Variants in PKD1L1 observed in about 807,000 individuals in gnomAD.
PKD1L1 encodes polycystin-1-like protein 1.
A neutral mutation model predicts 323.4 loss-of-function variants in PKD1L1; 236 were observed. The observed-to-expected ratio is 0.73, with a 90% CI of 0.66 to 0.81. PKD1L1 has a LOEUF of 0.81. PKD1L1 is among the 40% of genes least tolerant of loss of function. PKD1L1 has a pLI of 0.00. For synonymous variants in PKD1L1, 1,344 were observed against 1,335.0 expected (o/e 1.01, Z -0.15); for missense variants, 3,320 against 3,508.0 (o/e 0.95, Z 1.35).
chr7:47,857,979 G>T, intron 27 of PKD1L1, 147 bp from the exon 28 acceptor site: 1 of 681,746 alleles, frequency 1.5e-6, no homozygotes, highest in Non-Finnish European at 2.5e-6. Flanking sequence ...AGGTCTTAGG[G>T]CTCAGCGCTG....
At chr7:47,877,725 T>C (rs1232697955) in intron 21 of PKD1L1, 94 bp from the exon 22 acceptor site, 1 of 1,430,136 alleles carries the variant, frequency 7.0e-7, no homozygotes, top group African/African-American at 1.4e-5. Context: ...TAGCAGGGGT[T>C]CTCAAAGTAG....
In PKD1L1 at chr7:47,775,035, C is replaced by T. The variant is rs555253354; in HGVS notation, c.*108G>A. 17 of 1,191,006 alleles carry T rather than the reference C, an allele frequency of 1.4e-5. No homozygotes were observed. Among genetic ancestry groups the T allele is most frequent in the Middle Eastern group, 2.0e-4 (1 of 5,100 alleles). 73.8% of individuals were successfully genotyped at this position (1,191,006 alleles called of 1,614,324 possible). A position where few individuals can be genotyped will look rare whatever the true frequency, so the allele number is the denominator to read the frequency against. On this transcript the variant is annotated 3_prime_UTR_variant, in exon 57 of 57. Coordinates refer to ENST00000289672, the MANE Select transcript of PKD1L1 (RefSeq NM_138295.5). ...ACTGGAAAAATTAACAAAACTTCTT[C>T]GTACCTCAGCTCTTCTCACCTGCAA...
chr7:47,855,114 A>C, intron 29 of PKD1L1, 41 bp downstream of exon 29: 1 of 1,609,280 alleles, frequency 6.2e-7, no homozygotes, highest in Non-Finnish European at 8.5e-7. Context: ...CAGCCAGCAC[A>C]GCCTAAATGA....
the PKD1L1 span, among the ~76,000 whole-genome samples, chr7:47,959,929 G>C: frequency 5.9e-5 from 9 of 151,908 alleles, no homozygotes; most frequent in African/African-American, 1.9e-4. Flanking sequence ...GAATAGAAAG[G>C]GGGGAAAGGC....
intron 20 of PKD1L1, 58 bp from the exon 21 acceptor site, chr7:47,880,863 C>A: frequency 7.3e-7 from 1 of 1,374,472 alleles, no homozygotes; most frequent in South Asian, 1.3e-5. Context: ...GGACAGAGGT[C>A]ACACAGAGTC....
chr7:47,888,139 A>T lies in PKD1L1; in HGVS notation c.2687T>A (p.Ile896Asn). 6 of 1,612,304 alleles carry T rather than the reference A, an allele frequency of 3.7e-6. No homozygotes were observed. Among genetic ancestry groups the T allele is most frequent in the Non-Finnish European group, 5.1e-6 (6 of 1,179,218 alleles). The change falls in exon 17 of 57, where the codon ATC becomes AAC. Residue 896 changes from isoleucine (I) to asparagine (N), a missense_variant. Coordinates refer to ENST00000289672, the MANE Select transcript of PKD1L1 (RefSeq NM_138295.5). ...GGTGTCTTTAAAGCTGACCCAGGAG[A>T]TGTGGACGAATCTGAAATATATAAA... is the stretch of plus-strand genomic sequence containing the variant. ...YPDSAFRFVH[I>N]SWVSFKDTFV...
intron 8 of PKD1L1, among the ~76,000 whole-genome samples, chr7:47,912,656 A>C (rs1024383269): frequency 6.6e-5 from 10 of 151,794 alleles, no homozygotes; most frequent in African/African-American, 2.2e-4. Context: ...TCTCTACTAA[A>C]AATACAAAAA....
rs1287977148 is a variant in PKD1L1 at position 47,902,474 on chromosome 7, T to C, written c.1969A>G (p.Asn657Asp). Residue 657 changes from asparagine to aspartate, a missense_variant, in exon 13 of 57, where the codon AAT becomes GAT. Asn to Asp is a conservative substitution (Grantham distance 23). Transcript: ENST00000289672. ...TGTCTTAGAGTGGAGGCACTGACAT[T>C]ATTGAAGGCAAGGACCTCCACTGTA... ...EFTVEVLAFN[N>D]VSASTLRQQL... is the part of the protein sequence containing the mutation. The C allele has an allele frequency of 2.5e-6, 4 of 1,614,124 alleles. No individual in the cohort carries two copies. The highest frequency in any genetic ancestry group is 1.1e-5 in the South Asian group (1 of 91,074).
chr7:47,880,282 A>ATTTTTTTTTTTTTTTT (rs1309864473), intron 21 of PKD1L1, among the ~76,000 whole-genome samples: 8 of 69,714 alleles, frequency 1.1e-4, no homozygotes, highest in Admixed American at 1.6e-4. Flanking sequence ...ATATATATAT[A>ATTTTTTTTTTTTTTTT]TATTTTTTTT....
chr7:47,808,484 A>G, intron 51 of PKD1L1, 97 bp from the exon 52 acceptor site: 2 of 1,436,446 alleles, frequency 1.4e-6, no homozygotes, highest in Non-Finnish European at 1.9e-6. Flanking sequence ...GTCATGAGTC[A>G]CTTAACTACA....
Position 47,808,379 on chromosome 7 carries a change from C to A in PKD1L1, c.7695G>T (p.Val2565=). 6.2e-7 allele frequency: 1 copy of A among 1,614,082 alleles called. No individual in the cohort carries two copies. Among genetic ancestry groups the A allele is most frequent in the Non-Finnish European group, 8.5e-7 (1 of 1,180,036 alleles). ...CATAGTAGGTGAGGCTCACTCCAAC[C>A]ACGGAGAGCTGGAACATCCAAGAGA... ...RKPRNWLELS[V]VGVSLTYYAV... Residue 2565 remains valine, a synonymous_variant, in exon 52 of 57, where the codon GTG becomes GTT. Transcript: ENST00000289672.
At chr7:47,845,222 T>C (rs1280013113) in intron 32 of PKD1L1, 144 bp from the exon 33 acceptor site, 1 of 642,384 alleles carries the variant, frequency 1.6e-6, no homozygotes. Flanking sequence ...GTTTAAAAGA[T>C]TCACCTGACA....
intron 7 of PKD1L1, among the ~76,000 whole-genome samples, chr7:47,927,313 C>G (rs1787673819): frequency 6.6e-6 from 1 of 151,944 alleles, no homozygotes; most frequent in Non-Finnish European, 1.5e-5. Flanking sequence ...GAGTCTTGCC[C>G]TGTCGCCCAG....
Position 47,879,659 on chromosome 7 carries a change from C to A in PKD1L1, c.3520+1069G>T, listed in dbSNP as rs1191799784. ...AAAAAAAAAAAAAAAAAAGGCCAGG[C>A]ACGGTGGCTCACGCCTGTAATCCCA... On this transcript the variant is annotated intron_variant, in intron 21 of 56. Transcript: ENST00000289672. Among the ~76,000 whole-genome samples the A allele has an allele frequency of 1.6e-4, 19 of 115,296 alleles. 6 individuals carry two copies. The highest frequency in any genetic ancestry group is 6.5e-4 in the African/African-American group (17 of 26,156). The allele number at this position is 115,296 out of a possible 152,430, so 75.6% of individuals were successfully genotyped here. A position where few individuals can be genotyped will look rare whatever the true frequency, so the allele number is the denominator to read the frequency against.
At chr7:47,861,770 G>A (rs1236376256) in intron 26 of PKD1L1, among the ~76,000 whole-genome samples, 3 of 150,864 alleles carry the variant, frequency 2.0e-5, no homozygotes, top group Non-Finnish European at 4.4e-5. Flanking sequence ...AGTCTCAGCT[G>A]CTGGGGAGGC....
At chr7:47,798,769 A>AAC (rs1562934738) in intron 54 of PKD1L1, among the ~76,000 whole-genome samples, 21 of 136,134 alleles carry the variant, frequency 1.5e-4, no homozygotes, top group African/African-American at 5.5e-4. Flanking sequence ...AAAAAAAACA[A>AAC]AAAAACCAAA....
At chr7:47,827,323 G>A in intron 45 of PKD1L1, 27 bp downstream of exon 45, 2 of 1,566,552 alleles carry the variant, frequency 1.3e-6, no homozygotes, top group Non-Finnish European at 1.7e-6. Flanking sequence ...AGTGGAGCAA[G>A]CCCTCCCGAC....
chr7:47,839,712 C>A lies in PKD1L1; in HGVS notation c.5553-50G>T. The A allele has an allele frequency of 6.6e-7, 1 of 1,520,718 alleles. No homozygotes were observed. Among genetic ancestry groups the A allele is most frequent in the South Asian group, 1.2e-5 (1 of 81,520 alleles). The allele number at this position is 1,520,718 out of a possible 1,614,324, so 94.2% of individuals were successfully genotyped here. A position where few individuals can be genotyped will look rare whatever the true frequency, so the allele number is the denominator to read the frequency against. ...CAGCCGGGTGGGTGACAGTGTGGTC[C>A]TGGCATCCCATCAGCCCCAATGCTC... On this transcript the variant is annotated intron_variant, in intron 35 of 56. Coordinates refer to ENST00000289672, the MANE Select transcript of PKD1L1 (RefSeq NM_138295.5). This position sits in a 1 kb window ranked among gnomAD's most constrained non-coding sequence, Gnocchi z 4.3.
In PKD1L1 at chr7:47,808,307, C is replaced by A; in HGVS notation, c.7767G>T (p.Gln2589His). 1 of 1,614,096 alleles carries A rather than the reference C, an allele frequency of 6.2e-7. No homozygotes were observed. Among genetic ancestry groups the A allele is most frequent in the East Asian group, 2.2e-5 (1 of 44,872 alleles). ...ATGCTCGGCAAAGTCCTCTGTGAAA[C>A]TGGTTAGTGACATCTCCAGCAAGAG... ...LVTLAGDVTNQFHRGLCRAFM... is the reference protein window; with the variant it reads ...LVTLAGDVTNHFHRGLCRAFM... Residue 2589 changes from glutamine to histidine, a missense_variant, in exon 52 of 57, where the codon CAG becomes CAT. Physicochemically the swap from Gln to His is conservative, Grantham distance 24 (BLOSUM62 0). Transcript: ENST00000289672.
Sources: gnomAD v4.1 joint callset for allele counts (sites outside exome capture counted in the v4.1 genomes callset) on GRCh38, gnomAD v4.1.1 for gene constraint, Gnocchi (gnomAD v3.1) non-coding constraint, MANE v1.5 for transcripts, NCBI Gene and HGNC (gene_info 2026-07-23, HGNC 2026-07-21) for gene names.